The following CAPN8 variants were observed in gnomAD, a reference collection of about 807,000 sequenced individuals.
CAPN8 encodes the protein calpain-8.
Under a neutral mutation model 80.9 loss-of-function variants are expected in CAPN8, and 87 were observed. The ratio of observed to expected loss-of-function variants is 1.07; its 90% CI spans 0.90 to 1.28. The LOEUF (loss-of-function observed/expected upper bound fraction) is 1.28, where lower values mean the gene tolerates loss of function less well. Among genes scored for constraint, CAPN8 ranks in the 50% most tolerant of loss-of-function variants. CAPN8 has a pLI of 0.00. For synonymous variants in CAPN8, 299 were observed against 273.8 expected, an observed-to-expected ratio of 1.09 and a Z score of -0.91; for missense variants, 757 against 702.0, an observed-to-expected ratio of 1.08 and a Z score of -0.89.
In CAPN8 at chr1:223,612,271, G is replaced by A. The variant is rs1031840370; in HGVS notation, c.1312-14C>T. ...CTCCTTGGGAACCTGTGGGGCAGAA[G>A]AAAAGAGCAGGTCACCTGAGAGCTC... On this transcript the variant is annotated splice_polypyrimidine_tract_variant and intron_variant, in intron 10 of 20. Transcript: ENST00000366872. The A allele has an allele frequency of 1.6e-6, 2 of 1,234,156 alleles. No homozygotes were observed. The highest frequency in any genetic ancestry group is 2.0e-6 in the Non-Finnish European group (2 of 988,114). 76.5% of individuals were successfully genotyped at this position (1,234,156 alleles called of 1,614,324 possible). A position where few individuals can be genotyped will look rare whatever the true frequency, so the allele number is the denominator to read the frequency against.
At chr1:223,630,169 G>C (rs1033323432) in intron 2 of CAPN8, among the ~76,000 whole-genome samples, 3 of 152,082 alleles carry the variant, frequency 2.0e-5, no homozygotes, top group African/African-American at 7.2e-5. Flanking sequence ...ATCCTAGAAA[G>C]CCCTGGCCTC....
Position 223,663,932 on chromosome 1 carries a change from C to G in CAPN8, c.237+1478G>C, listed in dbSNP as rs543035124. Among the ~76,000 whole-genome samples the G allele has an allele frequency of 1.3e-4, 20 of 152,298 alleles. No homozygotes were observed. The East Asian group carries it at 3.5e-3, about 26-fold the overall frequency. On this transcript the variant is annotated intron_variant, in intron 1 of 20. Coordinates refer to ENST00000366872, the MANE Select transcript of CAPN8 (RefSeq NM_001143962.2). ...CAACCACTGCCAAGAAAATAGGAACCCTGACTTAATTTCCCTATCATGGTT... is the reference window on the plus strand; with the variant it reads ...CAACCACTGCCAAGAAAATAGGAACGCTGACTTAATTTCCCTATCATGGTT...
At chr1:223,653,209 T>C (rs923958356) in intron 2 of CAPN8, among the ~76,000 whole-genome samples, 2 of 150,692 alleles carry the variant, frequency 1.3e-5, no homozygotes, top group African/African-American at 4.9e-5. Flanking sequence ...ATGGAGGCTG[T>C]GGTTTTCAGG....
At chr1:223,621,935 C>T (rs948404220) in intron 7 of CAPN8, among the ~76,000 whole-genome samples, 11 of 151,998 alleles carry the variant, frequency 7.2e-5, no homozygotes, top group African/African-American at 2.7e-4. Flanking sequence ...CGGCTCACTG[C>T]AACCTCCAAC....
In CAPN8 at chr1:223,543,098, G is replaced by A. The variant is rs1656512528; in HGVS notation, c.2088+10C>T. The A allele has an allele frequency of 6.4e-7, 1 of 1,551,454 alleles. No homozygotes were observed. The highest frequency in any genetic ancestry group is 1.2e-5 in the South Asian group (1 of 84,048). ...TCAGCCAGCAATTCATCAAACCTCAGGACATTCACCTCGGCCAGAGAGAGC... is the reference window on the plus strand; with the variant it reads ...TCAGCCAGCAATTCATCAAACCTCAAGACATTCACCTCGGCCAGAGAGAGC... On this transcript the variant is annotated intron_variant, in intron 20 of 20. Coordinates refer to ENST00000366872, the MANE Select transcript of CAPN8 (RefSeq NM_001143962.2).
At chr1:223,623,388 A>G (rs933204190) in intron 6 of CAPN8, among the ~76,000 whole-genome samples, 2 of 152,208 alleles carry the variant, frequency 1.3e-5, no homozygotes, top group African/African-American at 4.8e-5. Flanking sequence ...TAGCTCAAAA[A>G]TCTGAGACTT....
In CAPN8 at chr1:223,615,966, G is replaced by A. The variant is rs1489680163; in HGVS notation, c.1311+4C>T. ...AATGAAGGACAAACCCAGCACAGCA[G>A]TACCTGGTAGACGGCATAGCCGATG... is the stretch of plus-strand genomic sequence containing the variant. On this transcript the variant is annotated splice_donor_region_variant and intron_variant, in intron 10 of 20. Coordinates refer to ENST00000366872, the MANE Select transcript of CAPN8 (RefSeq NM_001143962.2). 10 of 1,552,068 alleles carry A rather than the reference G, an allele frequency of 6.4e-6. No homozygotes were observed. The African/African-American group carries it at 1.4e-4, about 21-fold the overall frequency.
rs375719901 is a variant in CAPN8, at chr1:223,630,977, T to C, written c.308-2197A>G. Among the ~76,000 whole-genome samples, 13 of 152,312 alleles carry C rather than the reference T, an allele frequency of 8.5e-5. No homozygotes were observed. The East Asian group carries it at 1.9e-3, about 23-fold the overall frequency. On this transcript the variant is annotated intron_variant, in intron 2 of 20. Transcript: ENST00000366872. ...ATCATGTCACACCCCTGCTCGCAAC[T>C]GTCCTCCATTGCTCACCAATGAAAT...
At chr1:223,557,959 G>A (rs938673593) in intron 13 of CAPN8, among the ~76,000 whole-genome samples, 172 bp downstream of exon 13, 4 of 152,198 alleles carry the variant, frequency 2.6e-5, no homozygotes, top group Admixed American at 6.5e-5. Context: ...GGGTTCCAGG[G>A]CTACTTCTGT....
At chr1:223,651,323 T>A (rs2102733540) in intron 2 of CAPN8, among the ~76,000 whole-genome samples, 1 of 152,354 alleles carries the variant, frequency 6.6e-6, no homozygotes, top group South Asian at 2.1e-4. Context: ...GGAGGTAAAA[T>A]CATACTGTCC....
chr1:223,654,422 C>T lies in CAPN8; in HGVS notation c.238-23G>A, dbSNP rs373258408. 8 of 1,549,502 alleles carry T rather than the reference C, an allele frequency of 5.2e-6. No homozygotes were observed. In the African/African-American group the frequency reaches 8.2e-5, roughly 16 times the overall value. On this transcript the variant is annotated intron_variant, in intron 1 of 20. Transcript: ENST00000366872. ...CTCCTGAAAGTAATTTGGAACAAAA[C>T]ACAAGTCACAAGGTGCTCAGTGATG...
chr1:223,663,731 G>A (rs1658712934), intron 1 of CAPN8, among the ~76,000 whole-genome samples: 1 of 152,214 alleles, frequency 6.6e-6, no homozygotes, highest in African/African-American at 2.4e-5. Flanking sequence ...AGAGGGGAAT[G>A]GGAAGATGAA....
chr1:223,616,135 C>T lies in CAPN8; in HGVS notation c.1146G>A (p.Trp382Ter), dbSNP rs1657176686. Residue 382 changes from tryptophan to a stop codon, truncating the protein, a stop_gained, in exon 10 of 21, where the codon TGG (tryptophan) becomes TGA (stop). Coordinates refer to ENST00000366872, the MANE Select transcript of CAPN8 (RefSeq NM_001143962.2). LOFTEE classifies it high-confidence loss of function. The part of the protein sequence containing the change: ...GGCQNYPATY[W>*]TNPQFKIRLD... ...AACGGATTTTGAACTGGGGATTGGT[C>T]CAGTACGTGGCTGGAAGTCACCCAG... 6.5e-7 allele frequency: 1 copy of T among 1,548,324 alleles called. No individual in the cohort carries two copies. The highest frequency in any genetic ancestry group is 1.2e-5 in the South Asian group (1 of 83,890).
intron 6 of CAPN8, among the ~76,000 whole-genome samples, chr1:223,625,161 G>T (rs1375968641): frequency 6.6e-6 from 1 of 152,188 alleles, no homozygotes; most frequent in Non-Finnish European, 1.5e-5. Flanking sequence ...TCGGGTTGGA[G>T]AGTGAGGAAT....
chr1:223,615,806 T>C (rs1020135959), intron 10 of CAPN8, 164 bp downstream of exon 10: 1 of 789,848 alleles, frequency 1.3e-6, no homozygotes, highest in African/African-American at 1.7e-5. Flanking sequence ...AAATGTGGAA[T>C]TCAGGCCTCA....
At chr1:223,550,096 C>T (rs773979024) in intron 15 of CAPN8, among the ~76,000 whole-genome samples, 1 of 152,176 alleles carries the variant, frequency 6.6e-6, no homozygotes, top group Non-Finnish European at 1.5e-5. Flanking sequence ...GAGCTCCATC[C>T]CTGGCCTCCA....
chr1:223,635,113 TG>T (rs768065041), intron 2 of CAPN8, among the ~76,000 whole-genome samples: 2 of 152,234 alleles, frequency 1.3e-5, no homozygotes, highest in African/African-American at 4.8e-5. Flanking sequence ...AATATATGCT[TG>T]TTTTTTAAAA....
rs1021839574 is a variant in CAPN8, at chr1:223,547,287, C to T, written c.1765-1988G>A. Among the ~76,000 whole-genome samples the T allele has an allele frequency of 7.2e-5, 11 of 152,100 alleles. 1 individual carries two copies. Among genetic ancestry groups the T allele is most frequent in the Non-Finnish European group, 1.5e-5 (1 of 68,030 alleles). ...ATTTTTAAACTGTATTTTTAACACC[C>T]CATGGGTGATAAAGTACTGATACAT... is the stretch of plus-strand genomic sequence containing the variant. On this transcript the variant is annotated intron_variant, in intron 16 of 20. Coordinates refer to ENST00000366872, the MANE Select transcript of CAPN8 (RefSeq NM_001143962.2).
intron 2 of CAPN8, among the ~76,000 whole-genome samples, chr1:223,653,585 C>G (rs1431713324): frequency 1.3e-5 from 2 of 152,076 alleles, no homozygotes; most frequent in Non-Finnish European, 2.9e-5. Flanking sequence ...GCAGCTGTCA[C>G]TGGATGGTGG....
Sources: allele counts gnomAD v4.1 joint callset (sites outside exome capture counted in the v4.1 genomes callset), GRCh38; gene constraint gnomAD v4.1.1; transcripts MANE v1.5; gene names NCBI Gene and HGNC (gene_info 2026-07-23, HGNC 2026-07-21).